ZMAT1: variants seen among roughly 807,000 people sequenced by gnomAD.
The protein encoded by ZMAT1 is zinc finger matrin-type 1, also known as zinc finger matrin-type protein 1.
Under a neutral mutation model 18.5 loss-of-function variants are expected in ZMAT1, and 11 were observed. The observed-to-expected ratio is 0.59, with a 90% CI of 0.37 to 0.98. The LOEUF (loss-of-function observed/expected upper bound fraction) is 0.98, where lower values mean the gene tolerates loss of function less well. ZMAT1 is among the 50% of genes least tolerant of loss of function. ZMAT1 has a pLI of 0.01. For missense variants in ZMAT1, 525 were observed against 496.2 expected (o/e 1.06, Z -0.55); for synonymous variants, 211 against 176.4 (o/e 1.20, Z -1.55).
At chrX:101,926,473 A>G (rs1323174483) in intron 1 of ZMAT1, among the ~76,000 whole-genome samples, 1 of 112,433 alleles carries the variant, frequency 8.9e-6, no homozygotes, top group African/African-American at 3.2e-5. Flanking sequence ...CTACTACATA[A>G]CAACAGGCAA....
Position 101,886,718 on chromosome X carries a change from T to C in ZMAT1, c.690A>G (p.Arg230=). The change falls in exon 5 of 6, where the codon AGA becomes AGG. Residue 230 remains arginine, a synonymous_variant. Coordinates refer to ENST00000651725, the MANE Select transcript of ZMAT1 (RefSeq NM_001394560.1). Reference sequence around the variant, plus strand: ...TACTACAAATATGGCAAACATAGGTTCTCATACTAAATGCTGAAAAAACAA... The same window carrying C: ...TACTACAAATATGGCAAACATAGGTCCTCATACTAAATGCTGAAAAAACAA... ...GFQPEMAFSM[R]TYVCHICSIA... The C allele has an allele frequency of 8.4e-7, 1 of 1,188,509 alleles. No individual in the cohort carries two copies. The highest frequency in any genetic ancestry group is 1.1e-6 in the Non-Finnish European group (1 of 878,465).
intron 1 of ZMAT1, among the ~76,000 whole-genome samples, chrX:101,919,804 G>C (rs1419323424): frequency 1.8e-5 from 2 of 111,332 alleles, no homozygotes; most frequent in Non-Finnish European, 3.8e-5. Context: ...TTAGAATAAA[G>C]CCAAGTCATG....
chrX:101,930,479 T>G (rs1174685905), intron 1 of ZMAT1, among the ~76,000 whole-genome samples: 1 of 112,479 alleles, frequency 8.9e-6, no homozygotes, highest in Non-Finnish European at 1.9e-5. Flanking sequence ...GGGATTTTTT[T>G]TCTACTTTGC....
intron 4 of ZMAT1, chrX:101,895,904 G>C: frequency 1.4e-6 from 1 of 694,537 alleles, no homozygotes; most frequent in Non-Finnish European, 1.7e-6. Flanking sequence ...GTAATAAGAA[G>C]TGATAAACAC....
intron 1 of ZMAT1, among the ~76,000 whole-genome samples, chrX:101,924,610 T>A (rs1901275053): frequency 8.9e-6 from 1 of 112,032 alleles, no homozygotes; most frequent in African/African-American, 3.2e-5. Context: ...AATGGGAAGA[T>A]AACCTATATC....
At chrX:101,895,388 G>C (rs948606870) in intron 4 of ZMAT1, among the ~76,000 whole-genome samples, 1 of 110,594 alleles carries the variant, frequency 9.0e-6, no homozygotes, top group Non-Finnish European at 1.9e-5. Flanking sequence ...AATTAAGAGG[G>C]GTCATCTAAA....
chrX:101,922,594 T>C (rs1207101510), intron 1 of ZMAT1, among the ~76,000 whole-genome samples: 2 of 110,956 alleles, frequency 1.8e-5, no homozygotes, highest in Non-Finnish European at 3.8e-5. Flanking sequence ...GATTTCATTA[T>C]GTTGGCCAGG....
chrX:101,896,591 A>G (rs1374283737), intron 4 of ZMAT1, among the ~76,000 whole-genome samples: 1 of 112,483 alleles, frequency 8.9e-6, no homozygotes, highest in African/African-American at 3.2e-5. Context: ...CTGGGTGACT[A>G]TGAGTTCAAA....
At chrX:101,890,467 A>C (rs190094772) in intron 4 of ZMAT1, among the ~76,000 whole-genome samples, 9 of 111,726 alleles carry the variant, frequency 8.1e-5, no homozygotes, top group Middle Eastern at 9.2e-3. Context: ...GGATGAAAAT[A>C]ATATCAAGTA....
intron 1 of ZMAT1, chrX:101,911,969 C>T (rs1465927312): frequency 1.2e-5 from 14 of 1,199,816 alleles, no homozygotes; most frequent in African/African-American, 3.6e-5. Context: ...CACTCAGCAC[C>T]GGAGGATCCA....
At position 101,931,763 on chromosome X, in the gene ZMAT1, C is replaced by A. The variant is rs1053029561; in HGVS notation, c.246G>T (p.Arg82Ser). ...FGGSTMAAAG[R>S]GGSSFKVDTR... ...TGTCTACTTTAAAACTACTGCCCCC[C>A]CTCCCCGCCGCCGCCATAGTGGAGC... The change falls in exon 1 of 6, where the codon AGG becomes AGT. Residue 82 changes from arginine to serine, a missense_variant. Coordinates refer to ENST00000651725, the MANE Select transcript of ZMAT1 (RefSeq NM_001394560.1). The A allele has an allele frequency of 2.7e-5, 21 of 771,610 alleles. No individual in the cohort carries two copies. Among genetic ancestry groups the A allele is most frequent in the Middle Eastern group, 7.2e-4 (1 of 1,390 alleles). 63.6% of individuals were successfully genotyped at this position (771,610 alleles called of 1,213,427 possible).
chrX:101,921,420 C>T (rs1453696942), intron 1 of ZMAT1, among the ~76,000 whole-genome samples: 1 of 112,070 alleles, frequency 8.9e-6, no homozygotes, highest in African/African-American at 3.2e-5. Context: ...TTCTTCCCTC[C>T]CTCTCTGCCC....
Position 101,883,415 on chromosome X carries a change from T to C in ZMAT1, c.*95A>G. 1.4e-6 allele frequency: 1 copy of C among 710,062 alleles called. No individual in the cohort carries two copies. Among genetic ancestry groups the C allele is most frequent in the Non-Finnish European group, 2.0e-6 (1 of 493,999 alleles). 58.5% of individuals were successfully genotyped at this position (710,062 alleles called of 1,213,427 possible). A position where few individuals can be genotyped will look rare whatever the true frequency, so the allele number is the denominator to read the frequency against. The stretch of plus-strand genomic sequence containing the variant: ...GTCCTGAAGTGACACTGACTGTATC[T>C]ACCTCTCCTTTTCTTCATCAGGTGT... On this transcript the variant is annotated 3_prime_UTR_variant, in exon 6 of 6. Transcript: ENST00000651725.
At chrX:101,900,980 A>G (rs1928186905) in intron 2 of ZMAT1, among the ~76,000 whole-genome samples, 1 of 111,345 alleles carries the variant, frequency 9.0e-6, no homozygotes. Context: ...GTCATCTATG[A>G]TTTCTTTCAG....
intron 4 of ZMAT1, among the ~76,000 whole-genome samples, chrX:101,897,440 GTAAC>G (rs1172587747): frequency 9.6e-6 from 1 of 104,559 alleles, no homozygotes; most frequent in Non-Finnish European, 1.9e-5. Context: ...GTATACATAT[GTAAC>G]TAACCTGCAC....
chrX:101,887,816 C>T (rs1165195742), intron 4 of ZMAT1: 2 of 111,253 alleles, frequency 1.8e-5, no homozygotes, highest in Admixed American at 9.6e-5. Context: ...CTTTTCTATG[C>T]TCTAATTTCA....
In ZMAT1 at chrX:101,883,502, C is replaced by G. The variant is rs796561792; in HGVS notation, c.*8G>C. On this transcript the variant is annotated 3_prime_UTR_variant, in exon 6 of 6. Transcript: ENST00000651725. The stretch of plus-strand genomic sequence containing the variant: ...TCAATTCAACCTTGGGTAAACAAAA[C>G]TAAACATTCAAAATCCAAGAATAGA... 8.8e-7 allele frequency: 1 copy of G among 1,132,385 alleles called. No individual in the cohort carries two copies. 93.3% of individuals were successfully genotyped at this position (1,132,385 alleles called of 1,213,427 possible). A position where few individuals can be genotyped will look rare whatever the true frequency, so the allele number is the denominator to read the frequency against.
intron 1 of ZMAT1, among the ~76,000 whole-genome samples, chrX:101,915,242 A>G (rs1307038923): frequency 9.0e-6 from 1 of 111,262 alleles, no homozygotes; most frequent in Non-Finnish European, 1.9e-5. Flanking sequence ...TGAATGGGCA[A>G]AAACTGAAAG....
At chrX:101,915,797 AT>A (rs1929286794) in intron 1 of ZMAT1, 1 of 112,111 alleles carries the variant, frequency 8.9e-6, no homozygotes, top group Non-Finnish European at 1.9e-5. Flanking sequence ...ATTGGTGTGA[AT>A]GCAAATTATT....
Sources: gnomAD v4.1 joint callset for allele counts (sites outside exome capture counted in the v4.1 genomes callset) on GRCh38, gnomAD v4.1.1 for gene constraint, MANE v1.5 for transcripts, NCBI Gene and HGNC (gene_info 2026-07-23, HGNC 2026-07-21) for gene names.